Variants in GRIK3 observed in about 807,000 individuals in gnomAD.
GRIK3 encodes glutamate receptor ionotropic, kainate 3.
GRIK3 carries 29 observed loss-of-function variants against 102.5 expected under a neutral mutation model. The ratio of observed to expected loss-of-function variants is 0.28; its 90% confidence interval spans 0.21 to 0.39. The LOEUF (loss-of-function observed/expected upper bound fraction) is 0.39. GRIK3 is among the 10% of genes least tolerant of loss of function. The probability of loss-of-function intolerance (pLI) is 1.00; values close to 1 mark genes in which losing one functional copy is unlikely to be tolerated. For synonymous variants in GRIK3, 511 were observed against 504.9 expected, an observed-to-expected ratio of 1.01 and a Z score of -0.16; for missense variants, 908 against 1,252.4, an observed-to-expected ratio of 0.73 and a Z score of 4.15.
intron 1 of GRIK3, among the ~76,000 whole-genome samples, chr1:36,958,390 G>A (rs1197316609): frequency 6.4e-5 from 6 of 93,526 alleles, no homozygotes; most frequent in Admixed American, 1.2e-4. Flanking sequence ...TTGAATCTGC[G>A]CCCTGTGAGC....
rs1206729298 is a variant in GRIK3, at chr1:37,034,049, G to C, written c.60C>G (p.Leu20=). ...SLVWEYWAGL[L]VCAFWIPDSR... ...AGTCCGGGATCCAGAAGGCGCACAC[G>C]AGGAGCCCGGCCCAGTATTCCCAAA... Residue 20 remains leucine, a synonymous_variant, in exon 1 of 16, where the codon CTC becomes CTG. Coordinates refer to ENST00000373091, the MANE Select transcript of GRIK3 (RefSeq NM_000831.4). 1.1e-5 allele frequency: 17 copies of C among 1,606,624 alleles called. No individual in the cohort carries two copies. The highest frequency in any genetic ancestry group is 1.4e-5 in the Non-Finnish European group (17 of 1,177,316).
chr1:36,829,995 C>T (rs1642798355), intron 10 of GRIK3, among the ~76,000 whole-genome samples: 1 of 152,214 alleles, frequency 6.6e-6, no homozygotes, highest in South Asian at 2.1e-4. Flanking sequence ...GCCTCTGACT[C>T]CCAGCTTGCT....
In GRIK3 at chr1:36,934,754, G is replaced by A. The variant is rs1641636915; in HGVS notation, c.116-43658C>T. On this transcript the variant is annotated intron_variant, in intron 1 of 15. Coordinates refer to ENST00000373091, the MANE Select transcript of GRIK3 (RefSeq NM_000831.4). The stretch of plus-strand genomic sequence containing the variant: ...AACACATTTAATGTGGGAAGATGGA[G>A]CAGGGGAGTTCAGCATACATCACCC... Among the ~76,000 whole-genome samples, 2 of 152,208 alleles carry A rather than the reference G, an allele frequency of 1.3e-5. 1 individual carries two copies. Among genetic ancestry groups the A allele is most frequent in the South Asian group, 4.1e-4 (2 of 4,828 alleles).
At chr1:37,022,629 T>C (rs1482884591) in intron 1 of GRIK3, among the ~76,000 whole-genome samples, 2 of 152,210 alleles carry the variant, frequency 1.3e-5, no homozygotes. Context: ...ATAGACAGCA[T>C]GAGCATCTTG....
At chr1:36,885,146 A>G (rs1641024137) in intron 2 of GRIK3, among the ~76,000 whole-genome samples, 1 of 152,214 alleles carries the variant, frequency 6.6e-6, no homozygotes, top group Non-Finnish European at 1.5e-5. Context: ...TTGTGATAGT[A>G]ATGGCGGGAT....
intron 1 of GRIK3, among the ~76,000 whole-genome samples, chr1:36,985,383 C>T (rs1292136985): frequency 6.6e-6 from 1 of 152,170 alleles, no homozygotes; most frequent in African/African-American, 2.4e-5. Flanking sequence ...CCCTACCAGC[C>T]CCAAGCCCTC....
At chr1:36,928,319 C>T (rs1641551284) in intron 1 of GRIK3, among the ~76,000 whole-genome samples, 1 of 152,218 alleles carries the variant, frequency 6.6e-6, no homozygotes. Context: ...CTTTAGCCCA[C>T]AGCTACCTCC....
intron 1 of GRIK3, among the ~76,000 whole-genome samples, chr1:36,964,787 T>C (rs1642062500): frequency 6.6e-6 from 1 of 151,932 alleles, no homozygotes; most frequent in African/African-American, 2.4e-5. Flanking sequence ...AGCATCAAAC[T>C]CAAACCTCAA....
chr1:36,972,784 A>G (rs575906421), intron 1 of GRIK3, among the ~76,000 whole-genome samples: 118 of 152,290 alleles, frequency 7.7e-4, no homozygotes, highest in African/African-American at 2.8e-3. Flanking sequence ...GACTCACCCA[A>G]TGTCCCTCAG....
At chr1:36,927,063 T>C (rs1400832009) in intron 1 of GRIK3, among the ~76,000 whole-genome samples, 1 of 152,214 alleles carries the variant, frequency 6.6e-6, no homozygotes, top group African/African-American at 2.4e-5. Context: ...TAAAGTGTCA[T>C]GTCCTGACAT....
intron 1 of GRIK3, among the ~76,000 whole-genome samples, chr1:36,957,462 T>TGTGTGCCCC (rs879363743): frequency 1.4e-4 from 16 of 115,324 alleles, no homozygotes; most frequent in African/African-American, 1.9e-4. Flanking sequence ...CCTGTGAGCC[T>TGTGTGCCCC]ATGTGCTCTG....
intron 5 of GRIK3, among the ~76,000 whole-genome samples, chr1:36,863,408 T>C (rs1272082717): frequency 6.6e-6 from 1 of 152,162 alleles, no homozygotes; most frequent in Non-Finnish European, 1.5e-5. Flanking sequence ...CTTTTCAGAA[T>C]ATGGTACAAA....
intron 1 of GRIK3, among the ~76,000 whole-genome samples, chr1:36,903,415 T>C (rs988236616): frequency 6.6e-6 from 1 of 152,242 alleles, no homozygotes; most frequent in East Asian, 1.9e-4. Context: ...AGTTTTTCAA[T>C]TGCTTATGAA....
intron 1 of GRIK3, among the ~76,000 whole-genome samples, chr1:36,917,771 G>A (rs1324121363): frequency 6.6e-6 from 1 of 152,170 alleles, no homozygotes; most frequent in East Asian, 1.9e-4. Flanking sequence ...GCTTGAAAAC[G>A]GACTAATACA....
intron 1 of GRIK3, among the ~76,000 whole-genome samples, chr1:36,935,903 G>T (rs932185979): frequency 4.6e-5 from 7 of 152,162 alleles, no homozygotes; most frequent in African/African-American, 1.7e-4. Flanking sequence ...AAGACTTGCC[G>T]CCCCGACTCC....
chr1:36,987,403 T>C (rs1387505268), intron 1 of GRIK3, among the ~76,000 whole-genome samples: 2 of 151,810 alleles, frequency 1.3e-5, no homozygotes, highest in Non-Finnish European at 2.9e-5. Context: ...GAAACACTGG[T>C]GAAGAGAGGG....
chr1:36,932,357 G>A (rs1477933126), intron 1 of GRIK3, among the ~76,000 whole-genome samples: 1 of 152,198 alleles, frequency 6.6e-6, no homozygotes, highest in East Asian at 1.9e-4. Context: ...GCATGCGACA[G>A]CCACAGTCCA....
At chr1:36,829,148 A>T (rs1319242218) in intron 10 of GRIK3, among the ~76,000 whole-genome samples, 1 of 152,078 alleles carries the variant, frequency 6.6e-6, no homozygotes, top group Non-Finnish European at 1.5e-5. Flanking sequence ...AAAATACTAC[A>T]TTTCACCGTT....
Position 37,021,308 on chromosome 1 carries a change from G to A in GRIK3, c.115+12686C>T, listed in dbSNP as rs1305054001. Among the ~76,000 whole-genome samples the A allele has an allele frequency of 3.3e-5, 5 of 152,192 alleles. No individual in the cohort carries two copies. The East Asian group carries it at 9.6e-4, about 29-fold the overall frequency. On this transcript the variant is annotated intron_variant, in intron 1 of 15. Coordinates refer to ENST00000373091, the MANE Select transcript of GRIK3 (RefSeq NM_000831.4). Reference sequence around the variant, plus strand: ...AACCCGTGAAAGAAAAAAAAATGGGGACAGGTAGTGCTCCTGTAGCCCCAG... The same window carrying A: ...AACCCGTGAAAGAAAAAAAAATGGGAACAGGTAGTGCTCCTGTAGCCCCAG...
Sources: gnomAD v4.1 joint callset for allele counts (sites outside exome capture counted in the v4.1 genomes callset) on GRCh38, gnomAD v4.1.1 for gene constraint, MANE v1.5 for transcripts, NCBI Gene and HGNC (gene_info 2026-07-23, HGNC 2026-07-21) for gene names.